Variants in LRP11 observed in about 807,000 individuals in gnomAD.
The protein encoded by LRP11 is LDL receptor related protein 11.
A neutral mutation model predicts 43.1 loss-of-function variants in LRP11; 25 were observed. That is an observed-to-expected ratio of 0.58 (90% CI 0.42 to 0.81). The LOEUF is 0.81. LRP11 is among the 30% of genes least tolerant of loss of function. The pLI, the probability that LRP11 is intolerant of heterozygous loss-of-function variation, is 0.00. For synonymous variants in LRP11, 316 were observed against 299.4 expected (o/e 1.06, Z -0.57); for missense variants, 623 against 665.1 (o/e 0.94, Z 0.70).
chr6:149,838,711 C>T (rs1270017353), intron 3 of LRP11, among the ~76,000 whole-genome samples: 8 of 151,110 alleles, frequency 5.3e-5, no homozygotes, highest in Admixed American at 4.0e-4. Flanking sequence ...AAAGAAATAA[C>T]GACATTTCTC....
At chr6:149,859,396 A>ATTTTTTTTTTTTT (rs1163759560) in intron 1 of LRP11, among the ~76,000 whole-genome samples, 3 of 71,512 alleles carry the variant, frequency 4.2e-5, no homozygotes, top group African/African-American at 2.5e-4. Flanking sequence ...ATATATATAT[A>ATTTTTTTTTTTTT]TTTTTTTTTT....
chr6:149,863,978 G>A lies in LRP11; in HGVS notation c.43C>T (p.Leu15=), dbSNP rs941182217. 7.8e-6 allele frequency: 11 copies of A among 1,410,990 alleles called. No individual in the cohort carries two copies. The highest frequency in any genetic ancestry group is 1.0e-5 in the Non-Finnish European group (11 of 1,089,750). 87.4% of individuals were successfully genotyped at this position (1,410,990 alleles called of 1,614,324 possible). Residue 15 remains leucine, a synonymous_variant, in exon 1 of 7, where the codon CTA becomes TTA. Transcript: ENST00000239367. ...AQESAGSQRR[L]PPRHGALRGL... is the part of the protein sequence containing the mutation. ...CGCAGCGCCCCGTGACGCGGCGGTA[G>A]CCGGCGCTGCGAGCCCGCGCTCTCC...
In LRP11 at chr6:149,846,953, T is replaced by G. The variant is rs9397035; in HGVS notation, c.772-3829A>C. ...TATCTCAATATAAAATAAAATAAAA[T>G]AATAGAATAGAATAGAATAGAATAG... On this transcript the variant is annotated intron_variant, in intron 2 of 6. Coordinates refer to ENST00000239367, the MANE Select transcript of LRP11 (RefSeq NM_032832.6). Among the ~76,000 whole-genome samples the G allele has an allele frequency of 4.4e-3, 582 of 131,498 alleles. 2 individuals are homozygous for G. Among genetic ancestry groups the G allele is most frequent in the South Asian group, 0.015 (56 of 3,776 alleles). 86.3% of individuals were successfully genotyped at this position (131,498 alleles called of 152,430 possible). A position where few individuals can be genotyped will look rare whatever the true frequency, so the allele number is the denominator to read the frequency against.
At chr6:149,835,078 A>T (rs867823033) in intron 5 of LRP11, among the ~76,000 whole-genome samples, 6 of 152,184 alleles carry the variant, frequency 3.9e-5, no homozygotes, top group Admixed American at 1.3e-4. Flanking sequence ...GATAATCTCT[A>T]TTTCTGTCTC....
chr6:149,845,764 CTTATCT>C (rs1776622756), intron 2 of LRP11, among the ~76,000 whole-genome samples: 1 of 61,948 alleles, frequency 1.6e-5, no homozygotes, highest in African/African-American at 4.7e-5. Context: ...GGGCTCAGGT[CTTATCT>C]GTCGGATAAG....
intron 5 of LRP11, among the ~76,000 whole-genome samples, chr6:149,835,086 C>A (rs1201709226): frequency 6.6e-6 from 1 of 152,182 alleles, no homozygotes; most frequent in Non-Finnish European, 1.5e-5. Context: ...CTATTTCTGT[C>A]TCATGTCACA....
rs1160733694 is a variant in LRP11 at position 149,863,622 on chromosome 6, G to A, written c.399C>T (p.Ala133=). Residue 133 remains alanine (A), a synonymous_variant, in exon 1 of 7, where the codon GCC becomes GCT. Coordinates refer to ENST00000239367, the MANE Select transcript of LRP11 (RefSeq NM_032832.6). ...CGGAGCAGCGCGGCTCGGAGCAGCAGGCCGCCACGCATTGCCGCCAGCCCC... is the reference window on the plus strand; with the variant it reads ...CGGAGCAGCGCGGCTCGGAGCAGCAAGCCGCCACGCATTGCCGCCAGCCCC... The part of the protein sequence containing the change: ...AVRGWRQCVA[A]CCSEPRCSVA... 17 of 1,468,102 alleles carry A rather than the reference G, an allele frequency of 1.2e-5. No homozygotes were observed. Among genetic ancestry groups the A allele is most frequent in the Non-Finnish European group, 1.5e-5 (17 of 1,116,716 alleles). 90.9% of individuals were successfully genotyped at this position (1,468,102 alleles called of 1,614,324 possible).
chr6:149,829,853 G>A (rs1022899466), intron 5 of LRP11, among the ~76,000 whole-genome samples: 9 of 151,872 alleles, frequency 5.9e-5, no homozygotes, highest in African/African-American at 9.7e-5. Context: ...TACACTTGGC[G>A]CTCTCTTACC....
At chr6:149,825,802 C>A (rs958570284) in intron 6 of LRP11, among the ~76,000 whole-genome samples, 1 of 152,086 alleles carries the variant, frequency 6.6e-6, no homozygotes, top group Admixed American at 6.6e-5. Flanking sequence ...GCGAATGTCA[C>A]CACACTTGGC....
chr6:149,859,187 TGAA>T (rs1776847925), intron 1 of LRP11, among the ~76,000 whole-genome samples: 1 of 151,892 alleles, frequency 6.6e-6, no homozygotes, highest in Non-Finnish European at 1.5e-5. Flanking sequence ...GAAGTGTATA[TGAA>T]GTCTCCCATA....
At position 149,837,466 on chromosome 6, in the gene LRP11, A is replaced by G. The variant is rs1301280091; in HGVS notation, c.914-3T>C. The G allele has an allele frequency of 6.2e-7, 1 of 1,613,108 alleles. No homozygotes were observed. The highest frequency in any genetic ancestry group is 1.7e-5 in the Admixed American group (1 of 59,898). On this transcript the variant is annotated splice_polypyrimidine_tract_variant and splice_region_variant and intron_variant, in intron 3 of 6. Transcript: ENST00000239367. ...GCGTGAGCAAGTGTGCAAACATCCT[A>G]TTTGTAAACAAATCTCAAGTCACAC... is the stretch of plus-strand genomic sequence containing the variant.
intron 2 of LRP11, among the ~76,000 whole-genome samples, chr6:149,849,343 G>A (rs955369307): frequency 1.3e-5 from 2 of 151,760 alleles, no homozygotes; most frequent in African/African-American, 4.9e-5. Context: ...GCATTTTGAT[G>A]TATTATAAAT....
intron 2 of LRP11, among the ~76,000 whole-genome samples, chr6:149,849,967 G>T (rs1435783840): frequency 6.6e-6 from 1 of 152,146 alleles, no homozygotes; most frequent in East Asian, 1.9e-4. Flanking sequence ...GAGGCAAAGG[G>T]AGAGATCACT....
At chr6:149,847,631 G>T (rs1438179514) in intron 2 of LRP11, among the ~76,000 whole-genome samples, 3 of 152,070 alleles carry the variant, frequency 2.0e-5, no homozygotes, top group African/African-American at 7.2e-5. Flanking sequence ...CTTGGAAAAA[G>T]ACATGATCAT....
chr6:149,841,639 G>A (rs977036988), intron 3 of LRP11, among the ~76,000 whole-genome samples: 5 of 152,294 alleles, frequency 3.3e-5, no homozygotes, highest in South Asian at 2.1e-4. Flanking sequence ...TGGGCTGGGC[G>A]CGGTGGTTCA....
chr6:149,843,422 G>C (rs942458615), intron 2 of LRP11, among the ~76,000 whole-genome samples: 2 of 152,126 alleles, frequency 1.3e-5, no homozygotes, highest in African/African-American at 4.8e-5. Flanking sequence ...AGGCCCTGCC[G>C]TCTCAGCAGG....
rs780017760 is a variant in LRP11, at chr6:149,863,592, G to T, written c.429C>A (p.Ala143=). ...ACCSEPRCSV[A]VVELPRRPAP... Reference sequence around the variant, plus strand: ...CGGGGCGCCGGGGCAGCTCCACCACGGCCACGGAGCAGCGCGGCTCGGAGC... The same window carrying T: ...CGGGGCGCCGGGGCAGCTCCACCACTGCCACGGAGCAGCGCGGCTCGGAGC... Residue 143 remains alanine (A), a synonymous_variant, in exon 1 of 7, where the codon GCC becomes GCA. Transcript: ENST00000239367. 4 of 1,427,008 alleles carry T rather than the reference G, an allele frequency of 2.8e-6. No individual in the cohort carries two copies. The highest frequency in any genetic ancestry group is 2.8e-5 in the Admixed American group (1 of 35,918). The allele number at this position is 1,427,008 out of a possible 1,614,324, so 88.4% of individuals were successfully genotyped here.
intron 3 of LRP11, among the ~76,000 whole-genome samples, chr6:149,837,724 C>G (rs908332003): frequency 6.6e-6 from 1 of 152,064 alleles, no homozygotes; most frequent in Non-Finnish European, 1.5e-5. Flanking sequence ...GGAGGTGGCA[C>G]ACAGAAGCAA....
At position 149,853,054 on chromosome 6, in the gene LRP11, G is replaced by T. The variant is rs187562016; in HGVS notation, c.720C>A (p.Ile240=). ...DGRESTDDHA[I]VQYEWALLQG... ...GCAGCAGTGCCCACTCATACTGGAC[G>T]ATGGCGTGGTCATCTGTGCTCTCGC... is the stretch of plus-strand genomic sequence containing the variant. The change falls in exon 2 of 7, where the codon ATC becomes ATA. Residue 240 remains isoleucine (I), a synonymous_variant. Transcript: ENST00000239367. 1 of 1,612,610 alleles carries T rather than the reference G, an allele frequency of 6.2e-7. No homozygotes were observed. Among genetic ancestry groups the T allele is most frequent in the African/African-American group, 1.3e-5 (1 of 74,934 alleles).
Sources: gnomAD v4.1 joint callset for allele counts (sites outside exome capture counted in the v4.1 genomes callset) on GRCh38, gnomAD v4.1.1 for gene constraint, MANE v1.5 for transcripts, NCBI Gene and HGNC (gene_info 2026-07-23, HGNC 2026-07-21) for gene names.